The following DLGAP4 variants were observed in gnomAD, a reference collection of about 807,000 sequenced individuals.
DLGAP4 encodes the protein DLG associated protein 4, also known as disks large-associated protein 4.
A neutral mutation model predicts 86.9 loss-of-function variants in DLGAP4; 18 were observed. The observed-to-expected ratio is 0.21, with a 90% CI of 0.14 to 0.31. The LOEUF is 0.31. Ranked by LOEUF, DLGAP4 falls within the 10% of genes least tolerant of loss-of-function variation. DLGAP4 has a pLI of 1.00. For missense variants in DLGAP4, 1,085 were observed against 1,362.6 expected (o/e 0.80, Z 3.21); for synonymous variants, 548 against 574.3 (o/e 0.95, Z 0.65).
chr20:36,445,917 C>G (rs2033580427), intron 6 of DLGAP4, among the ~76,000 whole-genome samples: 1 of 152,234 alleles, frequency 6.6e-6, no homozygotes, highest in Non-Finnish European at 1.5e-5. Flanking sequence ...AATGCTCATA[C>G]CCTTGGCTTC....
chr20:36,391,008 A>T (rs1219238797), intron 2 of DLGAP4, among the ~76,000 whole-genome samples: 1 of 152,114 alleles, frequency 6.6e-6, no homozygotes, highest in Non-Finnish European at 1.5e-5. Context: ...CTAAGCTCTG[A>T]GCTCTGGCCT....
chr20:36,448,331 C>G (rs1389263576), intron 7 of DLGAP4, among the ~76,000 whole-genome samples: 8 of 152,334 alleles, frequency 5.3e-5, no homozygotes, highest in Admixed American at 3.9e-4. Context: ...GCCTAGGAGA[C>G]AGACCAAGAC....
chr20:36,318,116 A>T (rs1351840889), intron 1 of DLGAP4, among the ~76,000 whole-genome samples: 160 of 53,388 alleles, frequency 3.0e-3, no homozygotes, highest in African/African-American at 5.3e-3. Flanking sequence ...TCACACACAC[A>T]CACACACACA....
At chr20:36,451,442 C>T (rs2033733410) in intron 7 of DLGAP4, among the ~76,000 whole-genome samples, 1 of 152,066 alleles carries the variant, frequency 6.6e-6, no homozygotes, top group East Asian at 1.9e-4. Flanking sequence ...CATCTACCTC[C>T]CAGGTTCAAG....
At chr20:36,341,508 G>A (rs1480225535) in intron 1 of DLGAP4, among the ~76,000 whole-genome samples, 2 of 152,194 alleles carry the variant, frequency 1.3e-5, no homozygotes, top group Non-Finnish European at 2.9e-5. Context: ...AACCACCTCC[G>A]AAAGCCTTTG....
At chr20:36,327,256 T>C (rs1469773555) in intron 1 of DLGAP4, among the ~76,000 whole-genome samples, 1 of 152,106 alleles carries the variant, frequency 6.6e-6, no homozygotes, top group African/African-American at 2.4e-5. Flanking sequence ...CACCTCGGCC[T>C]CCCAAAGTGC....
intron 10 of DLGAP4, among the ~76,000 whole-genome samples, chr20:36,503,519 G>C (rs571469473): frequency 8.3e-6 from 1 of 120,922 alleles, no homozygotes; most frequent in Non-Finnish European, 1.6e-5. Flanking sequence ...ACGGAGTCTC[G>C]CTCTGTCTTC....
At chr20:36,439,930 A>AT in intron 5 of DLGAP4, 62 bp downstream of exon 5, 1 of 1,415,600 alleles carries the variant, frequency 7.1e-7, no homozygotes, top group Non-Finnish European at 9.8e-7. Context: ...ATCTGGGAGG[A>AT]GGACACACGC....
chr20:36,343,119 T>C (rs2065400576), intron 1 of DLGAP4, among the ~76,000 whole-genome samples: 1 of 151,954 alleles, frequency 6.6e-6, no homozygotes, highest in Non-Finnish European at 1.5e-5. Flanking sequence ...CTAAGTGCCC[T>C]GGAAAGCCTC....
At chr20:36,502,288 T>C (rs1364945346) in intron 10 of DLGAP4, among the ~76,000 whole-genome samples, 1 of 152,230 alleles carries the variant, frequency 6.6e-6, no homozygotes, top group Non-Finnish European at 1.5e-5. Flanking sequence ...CATTTTGTTT[T>C]TCCTAAAACG....
At chr20:36,405,967 T>C (rs542965821) in intron 2 of DLGAP4, among the ~76,000 whole-genome samples, 2 of 152,196 alleles carry the variant, frequency 1.3e-5, no homozygotes, top group Non-Finnish European at 2.9e-5. Flanking sequence ...AAAGTATTGG[T>C]GCCACCGGGA....
chr20:36,433,968 A>G (rs1182965906), intron 3 of DLGAP4, among the ~76,000 whole-genome samples: 9 of 113,330 alleles, frequency 7.9e-5, no homozygotes, highest in Non-Finnish European at 1.3e-4. Context: ...TTTGAGATGG[A>G]GTTTCACACT....
chr20:36,445,991 G>A lies in DLGAP4; in HGVS notation c.1408-706G>A, dbSNP rs2033582452. 3.9e-5 allele frequency among the ~76,000 whole-genome samples: 6 copies of A among 152,294 alleles called. No homozygotes were observed. In the South Asian group the frequency reaches 1.2e-3, roughly 32 times the overall value. On this transcript the variant is annotated intron_variant, in intron 6 of 12. Transcript: ENST00000339266. ...ACTTAGGACCCATCTACACAAAGTT[G>A]AACTAGATGCAAGATAGCAGATAGC...
chr20:36,405,762 G>A (rs1002186595), intron 2 of DLGAP4, among the ~76,000 whole-genome samples: 1 of 152,094 alleles, frequency 6.6e-6, no homozygotes, highest in Admixed American at 6.5e-5. Flanking sequence ...TGGAGAGAGG[G>A]TGGAGTGAGG....
At chr20:36,332,595 G>A (rs962564703) in intron 1 of DLGAP4, among the ~76,000 whole-genome samples, 85 of 151,988 alleles carry the variant, frequency 5.6e-4, no homozygotes, top group Admixed American at 3.9e-3. Flanking sequence ...TTGCCATGTT[G>A]GTCAGGCTGG....
intron 10 of DLGAP4, among the ~76,000 whole-genome samples, chr20:36,507,242 T>G (rs1286898191): frequency 6.6e-6 from 1 of 152,158 alleles, no homozygotes; most frequent in African/African-American, 2.4e-5. Context: ...TGTTTTGTTT[T>G]TGTGAGACAG....
chr20:36,471,464 A>G (rs1205008476), intron 7 of DLGAP4, among the ~76,000 whole-genome samples: 1 of 152,216 alleles, frequency 6.6e-6, no homozygotes, highest in East Asian at 1.9e-4. Context: ...TCTGCACTCC[A>G]GCCTGGGTGA....
intron 10 of DLGAP4, chr20:36,512,517 T>G (rs577362327): frequency 1.3e-5 from 2 of 152,420 alleles, no homozygotes; most frequent in East Asian, 3.9e-4. Context: ...CTTCTGGGGA[T>G]GTCGCAGTGA....
At chr20:36,327,740 C>T (rs1375836932) in intron 1 of DLGAP4, among the ~76,000 whole-genome samples, 4 of 148,652 alleles carry the variant, frequency 2.7e-5, no homozygotes, top group African/African-American at 7.3e-5. Context: ...TACAGGCGCC[C>T]GCCACTACGC....
Sources: gnomAD v4.1 joint callset for allele counts (sites outside exome capture counted in the v4.1 genomes callset) on GRCh38, gnomAD v4.1.1 for gene constraint, MANE v1.5 for transcripts, NCBI Gene and HGNC (gene_info 2026-07-23, HGNC 2026-07-21) for gene names.